Variants in RRN3 observed in about 807,000 individuals in gnomAD.
RRN3 encodes RNA polymerase I transcription factor RRN3, also known as RNA polymerase I-specific transcription initiation factor RRN3.
Under a neutral mutation model 82.3 loss-of-function variants are expected in RRN3, and 38 were observed. The observed-to-expected ratio is 0.46, with a 90% CI of 0.36 to 0.61. The LOEUF (loss-of-function observed/expected upper bound fraction) is 0.61. RRN3 is among the 20% of genes least tolerant of loss of function. The pLI is 0.00. For missense variants in RRN3, 726 were observed against 793.1 expected, an observed-to-expected ratio of 0.92 and a Z score of 1.02; for synonymous variants, 284 against 284.3, an observed-to-expected ratio of 1.00 and a Z score of 0.01.
chr16:15,092,461 G>C (rs1286237379), intron 2 of RRN3, 48 bp downstream of exon 2: 29 of 1,146,550 alleles, frequency 2.5e-5, no homozygotes, highest in Non-Finnish European at 3.6e-5. Flanking sequence ...AGCAATAGTT[G>C]TATTCTGACC....
chr16:15,087,582 T>A (rs971260844), intron 3 of RRN3, among the ~76,000 whole-genome samples: 1 of 152,132 alleles, frequency 6.6e-6, no homozygotes, highest in Non-Finnish European at 1.5e-5. Flanking sequence ...TCAACCATTT[T>A]CTGATGAAAT....
chr16:15,079,555 T>C (rs1038107185), intron 9 of RRN3, among the ~76,000 whole-genome samples: 1 of 152,154 alleles, frequency 6.6e-6, no homozygotes, highest in Admixed American at 6.5e-5. Flanking sequence ...ATGCACACAT[T>C]CAAAGAAAGG....
chr16:15,088,378 G>A (rs950808114), intron 3 of RRN3, among the ~76,000 whole-genome samples: 1 of 151,874 alleles, frequency 6.6e-6, no homozygotes, highest in Non-Finnish European at 1.5e-5. Context: ...GAGGTGGGAA[G>A]ATTGCTTGAG....
At chr16:15,080,310 T>C (rs1004275365) in intron 8 of RRN3, among the ~76,000 whole-genome samples, 1 of 152,240 alleles carries the variant, frequency 6.6e-6, no homozygotes, top group Non-Finnish European at 1.5e-5. Context: ...TTAATTTGCA[T>C]AACTATAGGT....
In RRN3 at chr16:15,061,902, T is replaced by C; in HGVS notation, c.1798A>G (p.Ile600Val). Residue 600 changes from isoleucine to valine, a missense_variant, in exon 18 of 18, where the codon ATA (isoleucine) becomes GTA (valine). Around this residue, in one of 4 missense-constraint regions of RRN3, gnomAD observed 166 missense variants for 154.8 expected, o/e 1.07. Coordinates refer to ENST00000198767, the MANE Select transcript of RRN3 (RefSeq NM_018427.5). Reference protein sequence around the residue: ...QEFKKPMKKDIVEDEDDDFLK... With the variant: ...QEFKKPMKKDVVEDEDDDFLK... ...AAGTCATCATCTTCATCTTCCACTA[T>C]GTCCTGCAGAAACATCAGAAATCAT... 2 of 1,609,376 alleles carry C rather than the reference T, an allele frequency of 1.2e-6. No individual in the cohort carries two copies. The highest frequency in any genetic ancestry group is 1.7e-6 in the Non-Finnish European group (2 of 1,175,816).
intron 3 of RRN3, among the ~76,000 whole-genome samples, chr16:15,087,525 C>G (rs1054330327): frequency 6.6e-6 from 1 of 152,154 alleles, no homozygotes; most frequent in Non-Finnish European, 1.5e-5. Context: ...CTTAATTCAG[C>G]TACTGAGTGC....
intron 3 of RRN3, among the ~76,000 whole-genome samples, chr16:15,086,790 A>G (rs1375574664): frequency 6.6e-6 from 1 of 152,226 alleles, no homozygotes; most frequent in Non-Finnish European, 1.5e-5. Flanking sequence ...AGACTGAAAT[A>G]TTAGAAGATC....
At chr16:15,071,690 C>T (rs1567196432) in intron 12 of RRN3, among the ~76,000 whole-genome samples, 1 of 152,178 alleles carries the variant, frequency 6.6e-6, no homozygotes, top group Non-Finnish European at 1.5e-5. Flanking sequence ...ATCGCTTGAA[C>T]CCAGGAGGCA....
chr16:15,082,718 C>T (rs1211398125), intron 8 of RRN3, among the ~76,000 whole-genome samples: 3 of 151,830 alleles, frequency 2.0e-5, no homozygotes, highest in African/African-American at 4.8e-5. Context: ...TAACATCAGT[C>T]GCACTTGGTC....
intron 13 of RRN3, 93 bp downstream of exon 13, chr16:15,071,028 C>T: frequency 1.8e-6 from 2 of 1,130,746 alleles, no homozygotes; most frequent in Non-Finnish European, 2.5e-6. Flanking sequence ...AAAAACATGC[C>T]AAAAAAAATG....
intron 3 of RRN3, among the ~76,000 whole-genome samples, chr16:15,090,874 T>C (rs1253269035): frequency 2.8e-5 from 1 of 35,654 alleles, no homozygotes; most frequent in Non-Finnish European, 1.0e-4. Context: ...CAGTGGTTTG[T>C]TTTTTTTTTT....
chr16:15,072,870 C>A, intron 12 of RRN3, 80 bp downstream of exon 12: 1 of 1,408,366 alleles, frequency 7.1e-7, no homozygotes, highest in South Asian at 1.2e-5. Context: ...TTCATGGTCT[C>A]CGTCCACCCC....
chr16:15,070,526 C>T (rs553215465), intron 13 of RRN3, among the ~76,000 whole-genome samples: 1 of 152,166 alleles, frequency 6.6e-6, no homozygotes, highest in South Asian at 2.1e-4. Context: ...AGCAGGTTCT[C>T]CTAACCATCT....
At chr16:15,079,900 T>A (rs1278876355) in intron 9 of RRN3, 98 bp downstream of exon 9, 21 of 1,322,424 alleles carry the variant, frequency 1.6e-5, no homozygotes, top group Non-Finnish European at 2.1e-5. Flanking sequence ...CCTGGCCAAG[T>A]GGATTCTTTT....
chr16:15,086,767 G>A (rs2045930885), intron 3 of RRN3, among the ~76,000 whole-genome samples: 1 of 152,320 alleles, frequency 6.6e-6, no homozygotes, highest in African/African-American at 2.4e-5. Context: ...TTTAAAAACT[G>A]CAGCATTCTA....
chr16:15,079,346 C>G, intron 9 of RRN3, among the ~76,000 whole-genome samples: 1 of 152,198 alleles, frequency 6.6e-6, no homozygotes, highest in Non-Finnish European at 1.5e-5. Context: ...ATAATCTGCC[C>G]TTAAGAAAGG....
At chr16:15,084,868 C>A (rs1209001492) in intron 6 of RRN3, among the ~76,000 whole-genome samples, 163 bp from the exon 7 acceptor site, 2 of 152,074 alleles carry the variant, frequency 1.3e-5, no homozygotes, top group African/African-American at 4.8e-5. Flanking sequence ...GAGTTCGAGA[C>A]CAGCCTGACC....
At chr16:15,088,278 C>A (rs1011776427) in intron 3 of RRN3, among the ~76,000 whole-genome samples, 3 of 152,116 alleles carry the variant, frequency 2.0e-5, no homozygotes, top group African/African-American at 7.2e-5. Flanking sequence ...GAATTTGAGA[C>A]CAGCCTGGGC....
intron 8 of RRN3, among the ~76,000 whole-genome samples, chr16:15,082,931 G>A (rs2045764722): frequency 6.6e-6 from 1 of 152,158 alleles, no homozygotes; most frequent in Non-Finnish European, 1.5e-5. Flanking sequence ...AGTAATTCTT[G>A]TCCATATGAG....
Sources: gnomAD v4.1 joint callset for allele counts (sites outside exome capture counted in the v4.1 genomes callset) on GRCh38, gnomAD v4.1.1 for gene constraint, gnomAD v4.1.1 regional missense constraint, MANE v1.5 for transcripts, NCBI Gene and HGNC (gene_info 2026-07-23, HGNC 2026-07-21) for gene names.